EPHA6: variants seen among roughly 807,000 people sequenced by gnomAD.
EPHA6 encodes the protein ephrin type-A receptor 6.
In EPHA6, 50 loss-of-function variants were observed where a neutral mutation model predicts 112.0. The ratio of observed to expected loss-of-function variants is 0.45; its 90% CI spans 0.36 to 0.56. The LOEUF (loss-of-function observed/expected upper bound fraction) is 0.56, where lower values mean the gene tolerates loss of function less well. Ranked by LOEUF, EPHA6 falls within the 20% of genes least tolerant of loss-of-function variation. The probability of loss-of-function intolerance (pLI) is 0.00; values close to 1 mark genes in which losing one functional copy is unlikely to be tolerated. For synonymous variants in EPHA6, 529 were observed against 490.7 expected (o/e 1.08, Z -1.03); for missense variants, 1,280 against 1,417.4 (o/e 0.90, Z 1.56).
At chr3:97,588,264 G>T (rs1259689457) in intron 11 of EPHA6, among the ~76,000 whole-genome samples, 1 of 152,136 alleles carries the variant, frequency 6.6e-6, no homozygotes, top group Non-Finnish European at 1.5e-5. Context: ...ACTGAACAAG[G>T]TGTAACAGAA....
chr3:97,209,826 G>C (rs1236316161), intron 3 of EPHA6, among the ~76,000 whole-genome samples: 1 of 152,132 alleles, frequency 6.6e-6, no homozygotes, highest in Non-Finnish European at 1.5e-5. Flanking sequence ...CAGCAGTGAT[G>C]AGTGAGTTTC....
intron 15 of EPHA6, among the ~76,000 whole-genome samples, chr3:97,720,882 A>T (rs1354057864): frequency 1.3e-5 from 2 of 152,110 alleles, no homozygotes; most frequent in African/African-American, 2.4e-5. Context: ...GATATGCATG[A>T]CCCCTAATGC....
rs182541879 is a variant in EPHA6 at position 97,637,824 on chromosome 3, C to T, written c.2575-49C>T. The stretch of plus-strand genomic sequence containing the variant: ...GGATCTTATTTAATACACACACGCA[C>T]ACACTGCATTAAAATAAATCAATTT... On this transcript the variant is annotated intron_variant, in intron 13 of 17. Coordinates refer to ENST00000389672, the MANE Select transcript of EPHA6 (RefSeq NM_001080448.3). 8.4e-4 allele frequency: 1,160 copies of T among 1,372,930 alleles called. 7 individuals are homozygous for T. The African/African-American group carries it at 0.013, about 16-fold the overall frequency. The allele number at this position is 1,372,930 out of a possible 1,614,324, so 85.0% of individuals were successfully genotyped here.
At chr3:97,549,684 C>G (rs372468018) in intron 11 of EPHA6, among the ~76,000 whole-genome samples, 4 of 152,196 alleles carry the variant, frequency 2.6e-5, no homozygotes, top group African/African-American at 7.2e-5. Flanking sequence ...GTGGCACACA[C>G]CTGTAGTCCC....
chr3:97,631,103 T>A (rs2093898988), intron 13 of EPHA6, among the ~76,000 whole-genome samples: 1 of 152,016 alleles, frequency 6.6e-6, no homozygotes, highest in Admixed American at 6.6e-5. Context: ...ACTGCATTTG[T>A]AAACCCCAAA....
At chr3:97,245,182 AACAG>A (rs1211406750) in intron 5 of EPHA6, among the ~76,000 whole-genome samples, 1 of 152,058 alleles carries the variant, frequency 6.6e-6, no homozygotes, top group African/African-American at 2.4e-5. Flanking sequence ...TGGCTTAAGC[AACAG>A]ACAATTTATT....
intron 3 of EPHA6, among the ~76,000 whole-genome samples, chr3:97,219,424 T>C (rs2078127761): frequency 6.6e-6 from 1 of 152,202 alleles, no homozygotes; most frequent in Non-Finnish European, 1.5e-5. Context: ...GAAATCTACG[T>C]AGAAGCTCCC....
At chr3:97,468,271 T>G (rs371954666) in intron 7 of EPHA6, among the ~76,000 whole-genome samples, 359 of 151,858 alleles carry the variant, frequency 2.4e-3, no homozygotes, top group African/African-American at 8.1e-3. Context: ...ACTCTTGCTA[T>G]TCTCTTTTAT....
At chr3:97,063,226 T>G (rs938346514) in intron 3 of EPHA6, among the ~76,000 whole-genome samples, 6 of 152,180 alleles carry the variant, frequency 3.9e-5, no homozygotes, top group African/African-American at 1.4e-4. Flanking sequence ...ATATAAATCT[T>G]TCTATTATAA....
chr3:97,408,990 C>T (rs1370436698), intron 6 of EPHA6, among the ~76,000 whole-genome samples: 1 of 152,104 alleles, frequency 6.6e-6, no homozygotes, highest in African/African-American at 2.4e-5. Flanking sequence ...TTGCCTAACA[C>T]AGCTATTTCC....
At chr3:96,943,209 ATT>A in intron 2 of EPHA6, among the ~76,000 whole-genome samples, 1 of 151,796 alleles carries the variant, frequency 6.6e-6, no homozygotes, top group Non-Finnish European at 1.5e-5. Flanking sequence ...GTATATATAT[ATT>A]TTTTTCTTTA....
chr3:97,005,037 C>G (rs772739648), intron 3 of EPHA6, among the ~76,000 whole-genome samples: 9 of 152,174 alleles, frequency 5.9e-5, no homozygotes, highest in Non-Finnish European at 1.0e-4. Flanking sequence ...AGTTTGATAT[C>G]AGGTAGTGTG....
chr3:97,580,254 A>G (rs1040457416), intron 11 of EPHA6, among the ~76,000 whole-genome samples: 4 of 152,222 alleles, frequency 2.6e-5, no homozygotes, highest in Non-Finnish European at 5.9e-5. Flanking sequence ...TCACACTGTC[A>G]CTATATCTAA....
At chr3:96,824,967 A>T (rs1576062734) in intron 1 of EPHA6, among the ~76,000 whole-genome samples, 1 of 151,972 alleles carries the variant, frequency 6.6e-6, no homozygotes, top group Non-Finnish European at 1.5e-5. Flanking sequence ...AGATGGATAA[A>T]ATGAAGAGAA....
At chr3:97,447,737 C>G (rs2107315023) in intron 6 of EPHA6, 1 of 1,012,154 alleles carries the variant, frequency 9.9e-7, no homozygotes, top group South Asian at 4.7e-5. Context: ...AATGCCCTGG[C>G]AAGTTCACTT....
intron 2 of EPHA6, among the ~76,000 whole-genome samples, chr3:96,941,230 A>T (rs556504025): frequency 2.0e-5 from 3 of 152,220 alleles, no homozygotes; most frequent in East Asian, 3.9e-4. Flanking sequence ...TCACTTTCAG[A>T]TACACCAATC....
At chr3:97,533,891 C>T (rs1166996054) in intron 11 of EPHA6, among the ~76,000 whole-genome samples, 3 of 152,102 alleles carry the variant, frequency 2.0e-5, no homozygotes, top group South Asian at 2.1e-4. Flanking sequence ...TACAACTCCA[C>T]TACAACTGCT....
intron 5 of EPHA6, among the ~76,000 whole-genome samples, chr3:97,298,322 A>G (rs1357662312): frequency 6.6e-6 from 1 of 152,186 alleles, no homozygotes; most frequent in East Asian, 1.9e-4. Flanking sequence ...GAACTTCTAC[A>G]CGTCCATCTC....
chr3:96,846,481 A>G (rs188184626), intron 1 of EPHA6, among the ~76,000 whole-genome samples: 181 of 152,162 alleles, frequency 1.2e-3, no homozygotes, highest in African/African-American at 4.2e-3. Flanking sequence ...ACATTTTGAA[A>G]ATCCATGTGC....
Sources: allele counts gnomAD v4.1 joint callset (sites outside exome capture counted in the v4.1 genomes callset), GRCh38; gene constraint gnomAD v4.1.1; transcripts MANE v1.5; gene names NCBI Gene and HGNC (gene_info 2026-07-23, HGNC 2026-07-21).